Variants in IWS1 observed in about 807,000 individuals in gnomAD.
IWS1 encodes interacts with SUPT6H, CTD assembly factor 1.
A neutral mutation model predicts 86.7 loss-of-function variants in IWS1; 27 were observed. The ratio of observed to expected loss-of-function variants is 0.31; its 90% CI spans 0.23 to 0.43. IWS1 has a LOEUF of 0.43. Among genes scored for constraint, IWS1 ranks in the 20% least tolerant of loss-of-function variants. The probability of loss-of-function intolerance (pLI) is 1.00; values close to 1 mark genes in which losing one functional copy is unlikely to be tolerated. For missense variants in IWS1, 827 were observed against 1,000.8 expected (o/e 0.83, Z 2.34); for synonymous variants, 313 against 335.1 (o/e 0.93, Z 0.72).
intron 2 of IWS1, among the ~76,000 whole-genome samples, chr2:127,517,569 G>A (rs980309023): frequency 2.0e-5 from 3 of 152,186 alleles, no homozygotes; most frequent in Non-Finnish European, 4.4e-5. Flanking sequence ...CAAAAAGTCA[G>A]GTAATAATTG....
At chr2:127,526,705 G>C (rs768354171), upstream of IWS1, 9 of 1,304,502 alleles carry the variant, frequency 6.9e-6, no homozygotes, top group Non-Finnish European at 9.1e-6. Flanking sequence ...TCATTTCCTA[G>C]ATTCTGTGTC....
At chr2:127,493,177 T>A (rs1322618541) in intron 9 of IWS1, 104 bp downstream of exon 9, 1 of 1,037,890 alleles carries the variant, frequency 9.6e-7, no homozygotes, top group Non-Finnish European at 1.3e-6. Context: ...TCTGGCAGGC[T>A]GTAGCAGAGA....
chr2:127,527,257 T>C (rs898253946), upstream of IWS1, among the ~76,000 whole-genome samples: 3 of 152,202 alleles, frequency 2.0e-5, no homozygotes, highest in African/African-American at 7.2e-5. Context: ...TTCCCCTTTA[T>C]TCTGAGCCTG....
In IWS1 at chr2:127,504,946, A is replaced by G. The variant is rs1406424063; in HGVS notation, c.957T>C (p.Asp319=). ...KGPASDSETE[D]ASRHKQKPES... ...CTGGCTTCTGTTTGTGTCTGGACGCATCCTCAGTTTCTGAGTCACTGGCAG... is the reference window on the plus strand; with the variant it reads ...CTGGCTTCTGTTTGTGTCTGGACGCGTCCTCAGTTTCTGAGTCACTGGCAG... Residue 319 remains aspartate (D), a synonymous_variant, in exon 3 of 14, where the codon GAT becomes GAC. Transcript: ENST00000295321. The G allele has an allele frequency of 1.9e-6, 3 of 1,614,016 alleles. No homozygotes were observed. Among genetic ancestry groups the G allele is most frequent in the East Asian group, 2.2e-5 (1 of 44,882 alleles).
rs780974605 is a variant in IWS1, at chr2:127,505,800, A to C, written c.151-48T>G. On this transcript the variant is annotated intron_variant, in intron 2 of 13. Coordinates refer to ENST00000295321, the MANE Select transcript of IWS1 (RefSeq NM_017969.3). The surrounding 1 kb of genome is among the most constrained non-coding windows in gnomAD (Gnocchi z 5.0). ...ATTAGGAAAGTGCAAAAAAAAAAAAACCATTAATAATAAAACATTAAATTT... is the reference window on the plus strand; with the variant it reads ...ATTAGGAAAGTGCAAAAAAAAAAAACCCATTAATAATAAAACATTAAATTT... The C allele has an allele frequency of 2.0e-5, 23 of 1,155,670 alleles. No individual in the cohort carries two copies. The highest frequency in any genetic ancestry group is 2.5e-5 in the Non-Finnish European group (21 of 827,026). The allele number at this position is 1,155,670 out of a possible 1,614,324, so 71.6% of individuals were successfully genotyped here. A position where few individuals can be genotyped will look rare whatever the true frequency, so the allele number is the denominator to read the frequency against.
chr2:127,480,937 G>A lies in IWS1; in HGVS notation c.*107C>T, dbSNP rs536970849. 2.2e-5 allele frequency: 27 copies of A among 1,255,766 alleles called. No individual in the cohort carries two copies. The African/African-American group carries it at 2.9e-4, about 13-fold the overall frequency. The allele number at this position is 1,255,766 out of a possible 1,614,324, so 77.8% of individuals were successfully genotyped here. ...AGTCCTATGACAACATCTGATACAC[G>A]CTGAACCATTTACAGACACACTAAA... On this transcript the variant is annotated 3_prime_UTR_variant, in exon 14 of 14. Transcript: ENST00000295321.
chr2:127,497,857 T>C (rs546057487), intron 6 of IWS1, among the ~76,000 whole-genome samples: 3 of 152,338 alleles, frequency 2.0e-5, no homozygotes, highest in Non-Finnish European at 4.4e-5. Flanking sequence ...AAGGTATTTT[T>C]AAAATTAGGT....
At position 127,505,161 on chromosome 2, in the gene IWS1, T is replaced by G. The variant is rs766247543; in HGVS notation, c.742A>C (p.Ser248Arg). ...GGAGGGTCCTCACTTTCTGAGTCAC[T>G]GATACGAGGTTTGGGAAGCTCCTCA... Reference protein sequence around the residue: ...ENEELPKPRISDSESEDPPRH... With the variant: ...ENEELPKPRIRDSESEDPPRH... Residue 248 changes from serine to arginine, a missense_variant, in exon 3 of 14, where the codon AGT becomes CGT. Physicochemically the swap from Ser to Arg is moderately radical, Grantham distance 110. This residue lies in a region of IWS1 where 548 missense variants were observed against 560.2 expected (regional missense o/e 0.98). Coordinates refer to ENST00000295321, the MANE Select transcript of IWS1 (RefSeq NM_017969.3). The surrounding 1 kb of genome is among the most constrained non-coding windows in gnomAD (Gnocchi z 5.0). The G allele has an allele frequency of 1.6e-5, 25 of 1,611,930 alleles. 1 individual carries two copies. The highest frequency in any genetic ancestry group is 2.1e-5 in the Non-Finnish European group (25 of 1,178,402).
Position 127,498,217 on chromosome 2 carries a change from C to G in IWS1, c.1488G>C (p.Leu496=). 3 of 1,599,106 alleles carry G rather than the reference C, an allele frequency of 1.9e-6. No individual in the cohort carries two copies. The South Asian group carries it at 3.3e-5, about 18-fold the overall frequency. The change falls in exon 6 of 14, where the codon CTG becomes CTC. Residue 496 remains leucine (L), a synonymous_variant. Coordinates refer to ENST00000295321, the MANE Select transcript of IWS1 (RefSeq NM_017969.3). ...CCTGTGTTTCACCTTTTTCTTCTTC[C>G]AGATCTTCTTGGTTAAAACCCTAAA... is the stretch of plus-strand genomic sequence containing the variant. ...EEFTGFNQED[L]EEEKGETQVK... is the part of the protein sequence containing the mutation.
chr2:127,482,691 A>C (rs1249014394), intron 13 of IWS1: 1 of 152,250 alleles, frequency 6.6e-6, no homozygotes. Flanking sequence ...TAGCCTCAGC[A>C]ATCAGGGCAC....
rs1170075724 is a variant in IWS1, at chr2:127,502,866, A to G, written c.1416T>C (p.Leu472=). 1 of 1,524,256 alleles carries G rather than the reference A, an allele frequency of 6.6e-7. No homozygotes were observed. Among genetic ancestry groups the G allele is most frequent in the Non-Finnish European group, 9.1e-7 (1 of 1,101,266 alleles). 94.4% of individuals were successfully genotyped at this position (1,524,256 alleles called of 1,614,324 possible). ...DSESGNEEEN[L]IADIFGESGD... ...CAGATTCTCCAAATATGTCTGCAAT[A>G]AGATTTCTAGAAAGTAGACAAATGT... Residue 472 remains leucine, a synonymous_variant, in exon 5 of 14, where the codon CTT becomes CTC. Transcript: ENST00000295321.
chr2:127,481,168 G>A lies in IWS1; in HGVS notation c.2336C>T (p.Ala779Val), dbSNP rs749577368. 1.3e-5 allele frequency: 21 copies of A among 1,593,734 alleles called. No individual in the cohort carries two copies. The highest frequency in any genetic ancestry group is 6.8e-5 in the African/African-American group (5 of 73,148). The change falls in exon 14 of 14, where the codon GCG becomes GTG. Residue 779 changes from alanine to valine, a missense_variant. Ala to Val is a moderately conservative substitution (Grantham distance 64). Coordinates refer to ENST00000295321, the MANE Select transcript of IWS1 (RefSeq NM_017969.3). Reference sequence around the variant, plus strand: ...TCGACTGATACCCTTCTTGGAGGTCGCCTGAAACTAAGAGTAAGGGAAAAA... The same window carrying A: ...TCGACTGATACCCTTCTTGGAGGTCACCTGAAACTAAGAGTAAGGGAAAAA... ...NVEMESSRFQATSKKGISRLD... is the reference protein window; with the variant it reads ...NVEMESSRFQVTSKKGISRLD...
rs1324153337 is a variant in IWS1 at position 127,486,752 on chromosome 2, C to T, written c.2217-88G>A. 4 of 994,834 alleles carry T rather than the reference C, an allele frequency of 4.0e-6. No individual in the cohort carries two copies. The African/African-American group carries it at 4.8e-5, about 12-fold the overall frequency. The allele number at this position is 994,834 out of a possible 1,614,324, so 61.6% of individuals were successfully genotyped here. A position where few individuals can be genotyped will look rare whatever the true frequency, so the allele number is the denominator to read the frequency against. ...CATTTCACACTCCTGTTCCTACATC[C>T]ACCCATTAAGCTGCAATGTTCGAAA... On this transcript the variant is annotated intron_variant, in intron 12 of 13. Coordinates refer to ENST00000295321, the MANE Select transcript of IWS1 (RefSeq NM_017969.3).
chr2:127,511,593 A>T (rs1691457188), intron 2 of IWS1, among the ~76,000 whole-genome samples: 1 of 152,196 alleles, frequency 6.6e-6, no homozygotes, highest in Non-Finnish European at 1.5e-5. Context: ...AAGGTGATTT[A>T]CACATTTATT....
chr2:127,503,572 T>C lies in IWS1; in HGVS notation c.1224A>G (p.Ala408=), dbSNP rs1690930364. 2.6e-6 allele frequency: 4 copies of C among 1,567,748 alleles called. No homozygotes were observed. The highest frequency in any genetic ancestry group is 1.2e-5 in the South Asian group (1 of 81,374). ...CATCAGAGACAACACGACTCTTCTTTGCTGCTGTTGAAAAAGAAAATCATC... is the reference window on the plus strand; with the variant it reads ...CATCAGAGACAACACGACTCTTCTTCGCTGCTGTTGAAAAAGAAAATCATC... The part of the protein sequence containing the change: ...SDSEDEEKAS[A]KKSRVVSDAD... Residue 408 remains alanine, a synonymous_variant, in exon 4 of 14, where the codon GCA becomes GCG. Coordinates refer to ENST00000295321, the MANE Select transcript of IWS1 (RefSeq NM_017969.3).
chr2:127,526,229 G>A lies in IWS1; in HGVS notation c.-21C>T, dbSNP rs1692407046. The A allele has an allele frequency of 1.3e-6, 2 of 1,559,480 alleles. No individual in the cohort carries two copies. Among genetic ancestry groups the A allele is most frequent in the African/African-American group, 1.4e-5 (1 of 73,540 alleles). On this transcript the variant is annotated 5_prime_UTR_variant, in exon 1 of 14. Coordinates refer to ENST00000295321, the MANE Select transcript of IWS1 (RefSeq NM_017969.3). ...TCCATGGCAGGCGGACTCTCAGCGG[G>A]GAGTGTCCGCGCCCCGCGCCGCCCC...
chr2:127,524,852 C>G (rs1692304417), intron 1 of IWS1, among the ~76,000 whole-genome samples: 1 of 149,496 alleles, frequency 6.7e-6, no homozygotes, highest in Non-Finnish European at 1.5e-5. Context: ...AAAAACTATT[C>G]TGAAAGTATC....
intron 1 of IWS1, among the ~76,000 whole-genome samples, chr2:127,525,644 C>T (rs1262659003): frequency 1.3e-5 from 2 of 152,150 alleles, no homozygotes; most frequent in Admixed American, 6.5e-5. Flanking sequence ...GACCAAACTT[C>T]GGTGAGGAGG....
At chr2:127,515,305 T>A (rs1277490713) in intron 2 of IWS1, among the ~76,000 whole-genome samples, 1 of 152,172 alleles carries the variant, frequency 6.6e-6, no homozygotes, top group Admixed American at 6.5e-5. Flanking sequence ...AGATGCTAAA[T>A]GTCCTGTTAA....
Sources: gnomAD v4.1 joint callset for allele counts (sites outside exome capture counted in the v4.1 genomes callset) on GRCh38, gnomAD v4.1.1 for gene constraint, gnomAD v4.1.1 regional missense constraint, Gnocchi (gnomAD v3.1) non-coding constraint, MANE v1.5 for transcripts, NCBI Gene and HGNC (gene_info 2026-07-23, HGNC 2026-07-21) for gene names.